The following MAPKAP1 variants were observed in gnomAD, a reference collection of about 807,000 sequenced individuals.
The protein encoded by MAPKAP1 is target of rapamycin complex 2 subunit MAPKAP1.
In MAPKAP1, 20 loss-of-function variants were observed where a neutral mutation model predicts 65.7. That is an observed-to-expected ratio of 0.30 (90% confidence interval 0.21 to 0.44). The LOEUF is 0.44. Among genes scored for constraint, MAPKAP1 ranks in the 20% least tolerant of loss-of-function variants. The probability of loss-of-function intolerance (pLI) is 1.00; values close to 1 mark genes in which losing one functional copy is unlikely to be tolerated. For missense variants in MAPKAP1, 423 were observed against 648.0 expected, an observed-to-expected ratio of 0.65 and a Z score of 3.77; for synonymous variants, 222 against 244.3, an observed-to-expected ratio of 0.91 and a Z score of 0.85.
At chr9:125,555,996 A>G (rs766348168) in intron 6 of MAPKAP1, among the ~76,000 whole-genome samples, 6 of 152,222 alleles carry the variant, frequency 3.9e-5, no homozygotes, top group Non-Finnish European at 7.3e-5. Flanking sequence ...TATCACAGTA[A>G]TGGAGTGATG....
chr9:125,692,253 A>T (rs1354151869), intron 1 of MAPKAP1, among the ~76,000 whole-genome samples: 1 of 152,282 alleles, frequency 6.6e-6, no homozygotes, highest in Non-Finnish European at 1.5e-5. Flanking sequence ...AAAAGGTAGA[A>T]ATAACCCAAA....
intron 1 of MAPKAP1, among the ~76,000 whole-genome samples, chr9:125,700,086 C>A (rs117426838): frequency 2.2e-4 from 34 of 152,346 alleles, no homozygotes; most frequent in Non-Finnish European, 4.6e-4. Context: ...TACAGACTGA[C>A]AAAGCCAATA....
At chr9:125,495,191 T>G (rs891290896) in intron 8 of MAPKAP1, among the ~76,000 whole-genome samples, 4 of 152,176 alleles carry the variant, frequency 2.6e-5, no homozygotes, top group African/African-American at 9.7e-5. Context: ...ATCTAAGAAC[T>G]GTAACATCTG....
chr9:125,692,428 T>C (rs1194728312), intron 1 of MAPKAP1, among the ~76,000 whole-genome samples: 2 of 152,190 alleles, frequency 1.3e-5, no homozygotes, highest in African/African-American at 4.8e-5. Flanking sequence ...TCTTTGTATA[T>C]GAAAGGTTTG....
At position 125,503,880 on chromosome 9, in the gene MAPKAP1, CTTT is replaced by C. The variant is rs35867576; in HGVS notation, c.1066+2427_1066+2429del. Among the ~76,000 whole-genome samples the C allele has an allele frequency of 8.3e-3, 552 of 66,112 alleles. 1 individual carries two copies. Among genetic ancestry groups the C allele is most frequent in the African/African-American group, 0.038 (480 of 12,484 alleles). The allele number at this position is 66,112 out of a possible 152,430, so 43.4% of individuals were successfully genotyped here. A position where few individuals can be genotyped will look rare whatever the true frequency, so the allele number is the denominator to read the frequency against. The stretch of plus-strand genomic sequence containing the variant: ...TATAGGCACCCGCCACCACGCTTGG[CTTT>C]TTTTTTTTTTTTTTTTTTTTTTTTT... On this transcript the variant is annotated intron_variant, in intron 8 of 11. Transcript: ENST00000265960.
chr9:125,689,440 A>G (rs1370795195), intron 1 of MAPKAP1, among the ~76,000 whole-genome samples: 1 of 137,312 alleles, frequency 7.3e-6, no homozygotes, highest in African/African-American at 2.6e-5. Context: ...ATCTCGGAAA[A>G]AAAAAAAAAA....
chr9:125,607,411 C>G (rs1832469258), intron 4 of MAPKAP1, among the ~76,000 whole-genome samples: 1 of 152,206 alleles, frequency 6.6e-6, no homozygotes, highest in Non-Finnish European at 1.5e-5. Flanking sequence ...AGATATCACC[C>G]CATACATTTG....
intron 4 of MAPKAP1, among the ~76,000 whole-genome samples, chr9:125,598,041 G>A (rs1832190580): frequency 6.6e-6 from 1 of 151,430 alleles, no homozygotes; most frequent in South Asian, 2.1e-4. Context: ...AGGTTTTACG[G>A]GCTATGGGAA....
intron 3 of MAPKAP1, 66 bp downstream of exon 3, chr9:125,669,752 A>G: frequency 1.2e-6 from 1 of 802,210 alleles, no homozygotes; most frequent in South Asian, 2.0e-5. Context: ...ATTAAAAATA[A>G]AAGTTCTTAT....
intron 4 of MAPKAP1, among the ~76,000 whole-genome samples, chr9:125,656,447 T>C (rs1036224531): frequency 1.3e-5 from 2 of 152,200 alleles, no homozygotes; most frequent in African/African-American, 4.8e-5. Context: ...AGGACCTTTA[T>C]ATTACTTATG....
intron 7 of MAPKAP1, among the ~76,000 whole-genome samples, chr9:125,515,753 CT>C (rs770272795): frequency 7.9e-5 from 12 of 152,220 alleles, no homozygotes; most frequent in Admixed American, 1.3e-4. Context: ...GAAGAACAGA[CT>C]GGTCAAGGGG....
At chr9:125,659,125 G>T (rs191997126) in intron 3 of MAPKAP1, among the ~76,000 whole-genome samples, 1 of 152,282 alleles carries the variant, frequency 6.6e-6, no homozygotes, top group Admixed American at 6.5e-5. Context: ...TTAAATATGG[G>T]AAGTACTTTT....
In MAPKAP1 at chr9:125,657,634, G is replaced by C; in HGVS notation, c.498+17C>G. The C allele has an allele frequency of 6.3e-7, 1 of 1,592,772 alleles. No individual in the cohort carries two copies. The highest frequency in any genetic ancestry group is 8.5e-7 in the Non-Finnish European group (1 of 1,170,468). ...TTACAGTTTTACTTAAAGGGACAAA[G>C]TCTCATTTTTACTTACCTTGCCATC... On this transcript the variant is annotated intron_variant, in intron 4 of 11. Coordinates refer to ENST00000265960, the MANE Select transcript of MAPKAP1 (RefSeq NM_001006617.3).
intron 4 of MAPKAP1, chr9:125,596,628 A>G: frequency 1.5e-6 from 1 of 646,428 alleles, no homozygotes; most frequent in Admixed American, 1.8e-5. Flanking sequence ...GAAGATTTTA[A>G]TTACTGCCAG....
chr9:125,639,410 C>A (rs1228899066), intron 4 of MAPKAP1, among the ~76,000 whole-genome samples: 2 of 152,218 alleles, frequency 1.3e-5, no homozygotes, highest in African/African-American at 4.8e-5. Flanking sequence ...TCTCTCCTCA[C>A]AAGGCTGTTT....
chr9:125,560,457 G>A (rs1212810420), intron 5 of MAPKAP1, among the ~76,000 whole-genome samples: 1 of 152,068 alleles, frequency 6.6e-6, no homozygotes, highest in Non-Finnish European at 1.5e-5. Flanking sequence ...GGTGGTATGC[G>A]CCTGTAGTTC....
Position 125,626,410 on chromosome 9 carries a change from T to C in MAPKAP1, c.498+31241A>G, listed in dbSNP as rs182947490. ...GAAGGGTATGAGACAGCAATTCTAG[T>C]AAGCTTGTCTCCTATGCAGATCCAA... On this transcript the variant is annotated intron_variant, in intron 4 of 11. Transcript: ENST00000265960. Among the ~76,000 whole-genome samples the C allele has an allele frequency of 2.7e-3, 415 of 152,366 alleles. 4 individuals carry two copies. Among genetic ancestry groups the C allele is most frequent in the African/African-American group, 9.5e-3 (395 of 41,588 alleles).
chr9:125,526,590 C>G (rs1286349147), intron 7 of MAPKAP1, among the ~76,000 whole-genome samples: 1 of 152,174 alleles, frequency 6.6e-6, no homozygotes, highest in Non-Finnish European at 1.5e-5. Context: ...TCAGAGAAAT[C>G]TGACATCCAA....
At chr9:125,701,504 A>T (rs1427335956) in intron 1 of MAPKAP1, among the ~76,000 whole-genome samples, 2 of 152,130 alleles carry the variant, frequency 1.3e-5, no homozygotes, top group Non-Finnish European at 2.9e-5. Flanking sequence ...ACTTGCTACT[A>T]AACTGTGATT....
Sources: allele counts gnomAD v4.1 joint callset (sites outside exome capture counted in the v4.1 genomes callset), GRCh38; gene constraint gnomAD v4.1.1; transcripts MANE v1.5; gene names NCBI Gene and HGNC (gene_info 2026-07-23, HGNC 2026-07-21).